Variants in RALGPS1 observed in about 807,000 individuals in gnomAD.
The protein encoded by RALGPS1 is Ral GEF with PH domain and SH3 binding motif 1, also known as ras-specific guanine nucleotide-releasing factor RalGPS1.
A neutral mutation model predicts 78.8 loss-of-function variants in RALGPS1; 19 were observed. That is an observed-to-expected ratio of 0.24 (90% confidence interval 0.17 to 0.35). RALGPS1 has a LOEUF of 0.35. Ranked by LOEUF, RALGPS1 falls within the 10% of genes least tolerant of loss-of-function variation. The pLI, the probability that RALGPS1 is intolerant of heterozygous loss-of-function variation, is 1.00. For missense variants in RALGPS1, 454 were observed against 688.3 expected (o/e 0.66, Z 3.81); for synonymous variants, 228 against 256.3 (o/e 0.89, Z 1.06).
rs971818515 is a variant in RALGPS1 at position 127,211,328 on chromosome 9, C to T, written c.1248-803C>T. On this transcript the variant is annotated intron_variant, in intron 14 of 18. Coordinates refer to ENST00000259351, the MANE Select transcript of RALGPS1 (RefSeq NM_014636.3). This position sits in a 1 kb window ranked among gnomAD's most constrained non-coding sequence, Gnocchi z 5.0. ...TGGCCGGTGTGGACCCAGGAAGGCCCGTGGAGCGCACTGGGCAGTGGCTCG... is the reference window on the plus strand; with the variant it reads ...TGGCCGGTGTGGACCCAGGAAGGCCTGTGGAGCGCACTGGGCAGTGGCTCG... 1.3e-5 allele frequency among the ~76,000 whole-genome samples: 2 copies of T among 152,112 alleles called. No homozygotes were observed. The highest frequency in any genetic ancestry group is 2.9e-5 in the Non-Finnish European group (2 of 68,018).
intron 8 of RALGPS1, among the ~76,000 whole-genome samples, chr9:127,140,286 C>T (rs2057680383): frequency 6.6e-6 from 1 of 152,234 alleles, no homozygotes; most frequent in African/African-American, 2.4e-5. Context: ...ATCAGATGGA[C>T]GTGCTGTGGC....
At chr9:126,932,849 C>G (rs972297287) in intron 1 of RALGPS1, among the ~76,000 whole-genome samples, 1 of 152,082 alleles carries the variant, frequency 6.6e-6, no homozygotes, top group East Asian at 1.9e-4. Context: ...AACTGTTGGT[C>G]GTGAAGGATC....
chr9:127,018,564 C>T (rs1589044608), intron 4 of RALGPS1, among the ~76,000 whole-genome samples: 1 of 151,520 alleles, frequency 6.6e-6, no homozygotes, highest in African/African-American at 2.4e-5. Context: ...ACCTGGGAGG[C>T]GGAGGTTGCA....
rs529901217 is a variant in RALGPS1, at chr9:127,211,584, G to A, written c.1248-547G>A. Among the ~76,000 whole-genome samples, 41 of 152,176 alleles carry A rather than the reference G, an allele frequency of 2.7e-4. 1 individual carries two copies. The Middle Eastern group carries it at 0.014, about 50-fold the overall frequency. Reference sequence around the variant, plus strand: ...GGTGTGGGCTGCCATGCCCTTGGACGCCTTCATCTGTAGGTGGTGCTTGAG... The same window carrying A: ...GGTGTGGGCTGCCATGCCCTTGGACACCTTCATCTGTAGGTGGTGCTTGAG... On this transcript the variant is annotated intron_variant, in intron 14 of 18. Coordinates refer to ENST00000259351, the MANE Select transcript of RALGPS1 (RefSeq NM_014636.3). The surrounding 1 kb of genome is among the most constrained non-coding windows in gnomAD (Gnocchi z 5.0).
chr9:126,946,394 C>T (rs1422347228), intron 1 of RALGPS1, among the ~76,000 whole-genome samples: 6 of 151,918 alleles, frequency 3.9e-5, no homozygotes, highest in African/African-American at 9.7e-5. Flanking sequence ...ATTACCTGGG[C>T]GTGGTGGCAC....
intron 3 of RALGPS1, among the ~76,000 whole-genome samples, chr9:126,969,074 A>G (rs2039835064): frequency 1.3e-5 from 2 of 152,184 alleles, no homozygotes; most frequent in Admixed American, 1.3e-4. Flanking sequence ...AATTTCTAGT[A>G]ACTACATTAA....
intron 4 of RALGPS1, among the ~76,000 whole-genome samples, chr9:127,023,574 C>T (rs2045670411): frequency 6.6e-6 from 1 of 152,152 alleles, no homozygotes; most frequent in Admixed American, 6.5e-5. Flanking sequence ...CAGTGAGTTC[C>T]CCTCCAGCCA....
chr9:127,196,196 G>A (rs929992349), intron 12 of RALGPS1, among the ~76,000 whole-genome samples: 7 of 152,212 alleles, frequency 4.6e-5, no homozygotes, highest in South Asian at 4.1e-4. Flanking sequence ...CATCACTCAC[G>A]AGCACATCTG....
chr9:127,036,311 T>C (rs893926633), intron 5 of RALGPS1, among the ~76,000 whole-genome samples: 2 of 152,228 alleles, frequency 1.3e-5, no homozygotes, highest in Non-Finnish European at 2.9e-5. Context: ...CTGCCTTCTT[T>C]GGGATGAACT....
chr9:127,055,543 A>G (rs973943292), intron 7 of RALGPS1, among the ~76,000 whole-genome samples: 1 of 152,096 alleles, frequency 6.6e-6, no homozygotes, highest in Non-Finnish European at 1.5e-5. Context: ...TATATTAACC[A>G]TTTTGTTCTG....
At chr9:126,941,560 A>G (rs906544195) in intron 1 of RALGPS1, among the ~76,000 whole-genome samples, 3 of 152,178 alleles carry the variant, frequency 2.0e-5, no homozygotes, top group African/African-American at 7.2e-5. Flanking sequence ...ATGAGCTGGC[A>G]AGCCTTGTCT....
intron 8 of RALGPS1, among the ~76,000 whole-genome samples, chr9:127,077,476 A>G (rs2050776702): frequency 6.6e-6 from 1 of 152,222 alleles, no homozygotes; most frequent in South Asian, 2.1e-4. Flanking sequence ...AAGAGCAAGC[A>G]AGGGTGGGAT....
chr9:127,130,760 A>T (rs1315926106), intron 8 of RALGPS1, among the ~76,000 whole-genome samples: 3 of 152,194 alleles, frequency 2.0e-5, no homozygotes, highest in Non-Finnish European at 4.4e-5. Context: ...GAAGAAACTG[A>T]GGCTCAAGTT....
At chr9:126,991,313 G>A (rs1225493988) in intron 4 of RALGPS1, among the ~76,000 whole-genome samples, 1 of 152,164 alleles carries the variant, frequency 6.6e-6, no homozygotes, top group African/African-American at 2.4e-5. Context: ...GGCTACTGGG[G>A]CAGGAGTCTG....
chr9:127,182,187 A>C (rs2060266138), intron 11 of RALGPS1, among the ~76,000 whole-genome samples: 1 of 151,844 alleles, frequency 6.6e-6, no homozygotes, highest in African/African-American at 2.4e-5. Context: ...TTAAAAAAAA[A>C]AAAAAAAATT....
At position 127,218,606 on chromosome 9, in the gene RALGPS1, C is replaced by A; in HGVS notation, c.1645-134C>A. 1 of 901,682 alleles carries A rather than the reference C, an allele frequency of 1.1e-6. No individual in the cohort carries two copies. The allele number at this position is 901,682 out of a possible 1,614,324, so 55.9% of individuals were successfully genotyped here. On this transcript the variant is annotated intron_variant, in intron 18 of 18. Coordinates refer to ENST00000259351, the MANE Select transcript of RALGPS1 (RefSeq NM_014636.3). This position sits in a 1 kb window ranked among gnomAD's most constrained non-coding sequence, Gnocchi z 4.4. ...TCACATGGGGTGGCTATTGTTATTG[C>A]CATACCCTCTCCCTACCCAACCTGC...
At chr9:127,005,315 A>G (rs759496236) in intron 4 of RALGPS1, among the ~76,000 whole-genome samples, 16 of 152,226 alleles carry the variant, frequency 1.1e-4, no homozygotes, top group African/African-American at 2.9e-4. Flanking sequence ...CAGAATGGCA[A>G]ACAGTTCCTT....
chr9:127,020,384 C>T (rs2045327879), intron 4 of RALGPS1, among the ~76,000 whole-genome samples: 1 of 152,160 alleles, frequency 6.6e-6, no homozygotes, highest in African/African-American at 2.4e-5. Context: ...GACCCTGCAG[C>T]ACATGAGGAT....
intron 1 of RALGPS1, among the ~76,000 whole-genome samples, chr9:126,949,673 G>A (rs1040970181): frequency 7.9e-5 from 12 of 151,426 alleles, no homozygotes; most frequent in South Asian, 2.1e-4. Flanking sequence ...TGTTTTTTTC[G>A]TGTAAATTTG....
Sources: gnomAD v4.1 joint callset for allele counts (sites outside exome capture counted in the v4.1 genomes callset) on GRCh38, gnomAD v4.1.1 for gene constraint, Gnocchi (gnomAD v3.1) non-coding constraint, MANE v1.5 for transcripts, NCBI Gene and HGNC (gene_info 2026-07-23, HGNC 2026-07-21) for gene names.